PPFIA4: variants seen among roughly 807,000 people sequenced by gnomAD.
PPFIA4 encodes liprin-alpha-4.
PPFIA4 carries 98 observed loss-of-function variants against 145.7 expected under a neutral mutation model. The ratio of observed to expected loss-of-function variants is 0.67; its 90% CI spans 0.57 to 0.80. The LOEUF (loss-of-function observed/expected upper bound fraction) is 0.80, where lower values mean the gene tolerates loss of function less well. PPFIA4 is among the 30% of genes least tolerant of loss of function. PPFIA4 has a pLI of 0.00. For missense variants in PPFIA4, 1,457 were observed against 1,632.7 expected (o/e 0.89, Z 1.85); for synonymous variants, 628 against 649.6 (o/e 0.97, Z 0.51).
chr1:203,053,067 C>G (rs1412020735), intron 14 of PPFIA4, among the ~76,000 whole-genome samples: 1 of 152,190 alleles, frequency 6.6e-6, no homozygotes, highest in Non-Finnish European at 1.5e-5. Flanking sequence ...AAGTACTTTA[C>G]CATCCCTATT....
At chr1:203,026,778 C>T (rs1490737565) in intron 1 of PPFIA4, among the ~76,000 whole-genome samples, 149 bp downstream of exon 1, 5 of 152,246 alleles carry the variant, frequency 3.3e-5, no homozygotes, top group Non-Finnish European at 7.3e-5. Context: ...GGCGTCGGTA[C>T]TGCTTACCCT....
chr1:203,054,149 C>A (rs1428999329), intron 15 of PPFIA4, 188 bp downstream of exon 15: 4 of 733,026 alleles, frequency 5.5e-6, no homozygotes, highest in East Asian at 5.3e-5. Context: ...CCTCAGTGGA[C>A]TTCTCAGGCT....
chr1:203,068,127 C>A lies in PPFIA4; in HGVS notation c.3149-326C>A, dbSNP rs143925044. Among the ~76,000 whole-genome samples, 1 of 152,266 alleles carries A rather than the reference C, an allele frequency of 6.6e-6. No homozygotes were observed. Among genetic ancestry groups the A allele is most frequent in the Non-Finnish European group, 1.5e-5 (1 of 68,012 alleles). On this transcript the variant is annotated intron_variant, in intron 26 of 29. Coordinates refer to ENST00000295706, the MANE Select transcript of PPFIA4 (RefSeq NM_001304331.2). The surrounding 1 kb of genome is among the most constrained non-coding windows in gnomAD (Gnocchi z 4.7). ...GGGAGATGCAAGTCTTAGAGGAGAC[C>A]TTGAAGGTGGAAAGAATAAGAAGGC...
At chr1:203,076,046 G>C in intron 29 of PPFIA4, 2 of 581,754 alleles carry the variant, frequency 3.4e-6, no homozygotes, top group Non-Finnish European at 6.0e-6. Context: ...CTCCCGCCCC[G>C]GGTCTGACGG....
intron 27 of PPFIA4, among the ~76,000 whole-genome samples, chr1:203,069,698 C>CT (rs1475352472): frequency 2.0e-5 from 3 of 151,458 alleles, no homozygotes; most frequent in African/African-American, 7.3e-5. Flanking sequence ...GTGTGTTGGC[C>CT]TTTTGGGGGT....
In PPFIA4 at chr1:203,048,994, G is replaced by A. The variant is rs1660298405; in HGVS notation, c.1419+14G>A. 2 of 1,548,158 alleles carry A rather than the reference G, an allele frequency of 1.3e-6. No homozygotes were observed. The highest frequency in any genetic ancestry group is 2.7e-5 in the African/African-American group (2 of 72,954). Reference sequence around the variant, plus strand: ...CACCACCACAAGGTACCCGGCTGCGGCCAGCCCCGCCCAGCCTGGGAGGGC... The same window carrying A: ...CACCACCACAAGGTACCCGGCTGCGACCAGCCCCGCCCAGCCTGGGAGGGC... On this transcript the variant is annotated intron_variant, in intron 12 of 29. Coordinates refer to ENST00000295706, the MANE Select transcript of PPFIA4 (RefSeq NM_001304331.2). The surrounding 1 kb of genome is among the most constrained non-coding windows in gnomAD (Gnocchi z 5.8).
intron 26 of PPFIA4, 141 bp downstream of exon 26, chr1:203,067,933 T>G (rs1661848685): frequency 2.9e-6 from 2 of 698,652 alleles, no homozygotes; most frequent in African/African-American, 1.8e-5. Flanking sequence ...CTTAGGGAGC[T>G]CCCAGTCTGA....
Position 203,048,980 on chromosome 1 carries a change from G to A in PPFIA4, c.1419G>A (p.Lys473=), listed in dbSNP as rs1170404326. 1 of 1,548,406 alleles carries A rather than the reference G, an allele frequency of 6.5e-7. No individual in the cohort carries two copies. Among genetic ancestry groups the A allele is most frequent in the Non-Finnish European group, 8.7e-7 (1 of 1,146,780 alleles). ...AGATTGAGGAGCAGCACCACCACAA[G>A]GTACCCGGCTGCGGCCAGCCCCGCC... The part of the protein sequence containing the change: ...QRQIEEQHHH[K]GRLSEEIEKL... Residue 473 remains lysine (K), a splice_region_variant and synonymous_variant, in exon 12 of 30, where the codon AAG becomes AAA. Coordinates refer to ENST00000295706, the MANE Select transcript of PPFIA4 (RefSeq NM_001304331.2). This position sits in a 1 kb window ranked among gnomAD's most constrained non-coding sequence, Gnocchi z 5.8.
At position 203,048,543 on chromosome 1, in the gene PPFIA4, C is replaced by T. The variant is rs189600391; in HGVS notation, c.1225-40C>T. 7.0e-4 allele frequency: 1,091 copies of T among 1,556,146 alleles called. 5 individuals are homozygous for T. The African/African-American group carries it at 0.014, about 20-fold the overall frequency. ...ACCCCAGCAGGAGAGGGTGGTCCTC[C>T]CTGGGAGGGCGGCCTGGTGCGAGGC... is the stretch of plus-strand genomic sequence containing the variant. On this transcript the variant is annotated intron_variant, in intron 10 of 29. Coordinates refer to ENST00000295706, the MANE Select transcript of PPFIA4 (RefSeq NM_001304331.2). The surrounding 1 kb of genome is among the most constrained non-coding windows in gnomAD (Gnocchi z 5.8).
chr1:203,065,253 C>G (rs955322965), intron 25 of PPFIA4, among the ~76,000 whole-genome samples: 6 of 152,180 alleles, frequency 3.9e-5, no homozygotes, highest in Non-Finnish European at 7.3e-5. Flanking sequence ...GAACCCTTGG[C>G]CTATGTGACC....
In PPFIA4 at chr1:203,048,142, C is replaced by A; in HGVS notation, c.1141-85C>A. The A allele has an allele frequency of 7.4e-7, 1 of 1,346,848 alleles. No homozygotes were observed. Among genetic ancestry groups the A allele is most frequent in the Non-Finnish European group, 1.0e-6 (1 of 953,956 alleles). 83.4% of individuals were successfully genotyped at this position (1,346,848 alleles called of 1,614,324 possible). ...CTGGGGGCCATGATCCCCAGGGCCA[C>A]CCTGGCACCAGGGTGCAGGGGATGC... On this transcript the variant is annotated intron_variant, in intron 9 of 29. Coordinates refer to ENST00000295706, the MANE Select transcript of PPFIA4 (RefSeq NM_001304331.2). This position sits in a 1 kb window ranked among gnomAD's most constrained non-coding sequence, Gnocchi z 5.8.
chr1:203,044,008 C>T lies in PPFIA4; in HGVS notation c.414C>T (p.Ala138=), dbSNP rs753407552. ...SLRMTVVKRQ[A]QSPSGVSSEV... ...GGATGACTGTGGTGAAGCGCCAGGC[C>T]CAGTCACCTTCGGGGGTCTCCAGTG... is the stretch of plus-strand genomic sequence containing the variant. Residue 138 remains alanine, a synonymous_variant, in exon 4 of 30, where the codon GCC becomes GCT. Coordinates refer to ENST00000295706, the MANE Select transcript of PPFIA4 (RefSeq NM_001304331.2). The T allele has an allele frequency of 3.7e-6, 6 of 1,612,176 alleles. No individual in the cohort carries two copies. Among genetic ancestry groups the T allele is most frequent in the Non-Finnish European group, 5.1e-6 (6 of 1,179,514 alleles).
intron 9 of PPFIA4, among the ~76,000 whole-genome samples, chr1:203,047,959 C>T (rs754894): frequency 0.71 from 108,184 of 152,144 alleles, 38,970 homozygotes; most frequent in Non-Finnish European, 0.78. Context: ...GGATTATTTA[C>T]AGTCTCTTGA....
At chr1:203,061,373 G>C (rs1180463237) in intron 23 of PPFIA4, 1 of 526,254 alleles carries the variant, frequency 1.9e-6, no homozygotes, top group Admixed American at 3.6e-5. Flanking sequence ...CCCTGGTGGA[G>C]GAATGGGGAG....
intron 1 of PPFIA4, among the ~76,000 whole-genome samples, chr1:203,037,000 T>A (rs1196548010): frequency 6.6e-6 from 1 of 152,224 alleles, no homozygotes; most frequent in Non-Finnish European, 1.5e-5. Context: ...TCTGTGTTTC[T>A]ATCTTGGGGC....
chr1:203,041,941 C>T (rs991972856), intron 2 of PPFIA4, among the ~76,000 whole-genome samples: 1 of 152,208 alleles, frequency 6.6e-6, no homozygotes, highest in Non-Finnish European at 1.5e-5. Context: ...ATGGCCCTGA[C>T]AGAAAGGCAG....
chr1:203,044,405 G>A lies in PPFIA4; in HGVS notation c.528G>A (p.Leu176=), dbSNP rs538365954. ...EKVRERLRAA[L]ERVTTLEEQL... ...TGCGAGAGCGGCTCCGGGCAGCGCT[G>A]GAGCGAGTCACCACCTTGGAGGAGC... The change falls in exon 5 of 30, where the codon CTG becomes CTA. Residue 176 remains leucine (L), a synonymous_variant. Coordinates refer to ENST00000295706, the MANE Select transcript of PPFIA4 (RefSeq NM_001304331.2). 2.3e-5 allele frequency: 36 copies of A among 1,552,372 alleles called. 1 individual carries two copies. The South Asian group carries it at 3.9e-4, about 17-fold the overall frequency.
intron 1 of PPFIA4, chr1:203,034,615 G>A: frequency 2.2e-6 from 1 of 456,660 alleles, no homozygotes; most frequent in South Asian, 1.5e-5. Context: ...GGGGCTGGGA[G>A]CAGAGATTTG....
Position 203,055,486 on chromosome 1 carries a change from G to C in PPFIA4, c.1884G>C (p.Thr628=). ...AGCTCCGCGCGGAGGAGATTGAGAC[G>C]CGTGTAACCAGTGGCAGCATGGAAG... ...STELRAEEIE[T]RVTSGSMEAL... The change falls in exon 16 of 30, where the codon ACG becomes ACC. Residue 628 remains threonine (T), a synonymous_variant. Transcript: ENST00000295706. This position sits in a 1 kb window ranked among gnomAD's most constrained non-coding sequence, Gnocchi z 4.8. 1 of 1,613,982 alleles carries C rather than the reference G, an allele frequency of 6.2e-7. No homozygotes were observed. Among genetic ancestry groups the C allele is most frequent in the South Asian group, 1.1e-5 (1 of 91,080 alleles).
Sources: allele counts gnomAD v4.1 joint callset (sites outside exome capture counted in the v4.1 genomes callset), GRCh38; gene constraint gnomAD v4.1.1; non-coding constraint Gnocchi (gnomAD v3.1); transcripts MANE v1.5; gene names NCBI Gene and HGNC (gene_info 2026-07-23, HGNC 2026-07-21).